Variants in FBXL7 observed in about 807,000 individuals in gnomAD.
The protein encoded by FBXL7 is F-box/LRR-repeat protein 7.
A neutral mutation model predicts 38.3 loss-of-function variants in FBXL7; 12 were observed. The ratio of observed to expected loss-of-function variants is 0.31; its 90% confidence interval spans 0.20 to 0.51. FBXL7 has a LOEUF of 0.51. Among genes scored for constraint, FBXL7 ranks in the 20% least tolerant of loss-of-function variants. The pLI, the probability that FBXL7 is intolerant of heterozygous loss-of-function variation, is 0.98. For missense variants in FBXL7, 567 were observed against 676.4 expected, an observed-to-expected ratio of 0.84 and a Z score of 1.79; for synonymous variants, 297 against 300.9, an observed-to-expected ratio of 0.99 and a Z score of 0.13.
chr5:15,749,295 G>A (rs1021658776), intron 2 of FBXL7, among the ~76,000 whole-genome samples: 3 of 148,596 alleles, frequency 2.0e-5, no homozygotes, highest in Admixed American at 1.3e-4. Flanking sequence ...CAACTTGTGA[G>A]TTACACTTAG....
intron 2 of FBXL7, among the ~76,000 whole-genome samples, chr5:15,828,468 G>T (rs1738372360): frequency 6.6e-6 from 1 of 152,196 alleles, no homozygotes; most frequent in South Asian, 2.1e-4. Flanking sequence ...ATGAATGAAT[G>T]AACCCTAGTT....
At chr5:15,667,340 G>A (rs1742314953) in intron 2 of FBXL7, among the ~76,000 whole-genome samples, 1 of 152,184 alleles carries the variant, frequency 6.6e-6, no homozygotes, top group South Asian at 2.1e-4. Flanking sequence ...GCAGACAGTA[G>A]CAGGAAAGAA....
At chr5:15,660,069 T>C (rs756776221) in intron 2 of FBXL7, among the ~76,000 whole-genome samples, 4 of 152,226 alleles carry the variant, frequency 2.6e-5, no homozygotes, top group Admixed American at 6.5e-5. Context: ...TGGAGAGGTC[T>C]GCTTATTCAC....
chr5:15,733,150 G>A (rs185762500), intron 2 of FBXL7, among the ~76,000 whole-genome samples: 108 of 152,112 alleles, frequency 7.1e-4, no homozygotes, highest in African/African-American at 2.5e-3. Context: ...CTGAAGTGCA[G>A]TGGCGCTATC....
intron 1 of FBXL7, among the ~76,000 whole-genome samples, chr5:15,591,606 T>C (rs893620607): frequency 1.3e-5 from 2 of 152,148 alleles, no homozygotes; most frequent in Non-Finnish European, 2.9e-5. Flanking sequence ...TCCATTTTTC[T>C]CCCACAATTG....
intron 2 of FBXL7, among the ~76,000 whole-genome samples, chr5:15,706,456 A>G (rs1215054582): frequency 6.6e-6 from 1 of 152,210 alleles, no homozygotes; most frequent in African/African-American, 2.4e-5. Context: ...TGAGCCAATT[A>G]AACCTCTTTT....
At chr5:15,645,713 T>C (rs762479407) in intron 2 of FBXL7, among the ~76,000 whole-genome samples, 1 of 152,248 alleles carries the variant, frequency 6.6e-6, no homozygotes, top group Non-Finnish European at 1.5e-5. Flanking sequence ...AGCTATTTCA[T>C]GATTTCTCAG....
Position 15,500,669 on chromosome 5 carries a change from G to A in FBXL7, c.-8G>A. On this transcript the variant is annotated 5_prime_UTR_variant, in exon 1 of 4. Coordinates refer to ENST00000504595, the MANE Select transcript of FBXL7 (RefSeq NM_012304.5). ...GTCCCGGGAGACGGCGGGCATGACG[G>A]CTACAGGATGGGCGCGAACAATGGC... The A allele has an allele frequency of 1.2e-6, 2 of 1,613,080 alleles. No homozygotes were observed. Among genetic ancestry groups the A allele is most frequent in the Non-Finnish European group, 1.7e-6 (2 of 1,179,366 alleles).
chr5:15,520,921 C>G (rs909479029), intron 1 of FBXL7, among the ~76,000 whole-genome samples: 1 of 152,206 alleles, frequency 6.6e-6, no homozygotes, highest in African/African-American at 2.4e-5. Context: ...TAAAGCAGGA[C>G]AGACATCTGT....
chr5:15,648,545 C>A (rs1163384871), intron 2 of FBXL7, among the ~76,000 whole-genome samples: 2 of 152,196 alleles, frequency 1.3e-5, no homozygotes, highest in African/African-American at 2.4e-5. Context: ...TGAACTAAAG[C>A]CCAGTTGAAC....
chr5:15,923,837 A>G (rs1191989092), intron 2 of FBXL7, among the ~76,000 whole-genome samples: 1 of 151,932 alleles, frequency 6.6e-6, no homozygotes, highest in East Asian at 1.9e-4. Flanking sequence ...TTAGAAATCC[A>G]CTTCACCCTC....
At chr5:15,889,883 G>A (rs1740829018) in intron 2 of FBXL7, among the ~76,000 whole-genome samples, 1 of 152,066 alleles carries the variant, frequency 6.6e-6, no homozygotes, top group Non-Finnish European at 1.5e-5. Context: ...ACACTTGTAA[G>A]ATACAAACAA....
intron 2 of FBXL7, among the ~76,000 whole-genome samples, chr5:15,822,731 T>TG (rs1438885540): frequency 2.0e-5 from 3 of 151,786 alleles, no homozygotes; most frequent in South Asian, 2.1e-4. Flanking sequence ...TCACTGTAGA[T>TG]GTGCGTTAGC....
chr5:15,783,459 T>G (rs1039390862), intron 2 of FBXL7, among the ~76,000 whole-genome samples: 2 of 152,152 alleles, frequency 1.3e-5, no homozygotes, highest in Non-Finnish European at 2.9e-5. Context: ...ATGATCATTG[T>G]AAGCCACCCA....
At chr5:15,812,348 G>A (rs1213096834) in intron 2 of FBXL7, among the ~76,000 whole-genome samples, 3 of 152,068 alleles carry the variant, frequency 2.0e-5, no homozygotes, top group African/African-American at 4.8e-5. Context: ...GGAAATGGGG[G>A]ACAAGTGGGA....
At chr5:15,814,606 T>C (rs1483030719) in intron 2 of FBXL7, among the ~76,000 whole-genome samples, 1 of 151,992 alleles carries the variant, frequency 6.6e-6, no homozygotes, top group African/African-American at 2.4e-5. Flanking sequence ...TTTTATGACA[T>C]GGAAATAAAA....
At chr5:15,800,265 A>T (rs1737527414) in intron 2 of FBXL7, among the ~76,000 whole-genome samples, 1 of 152,130 alleles carries the variant, frequency 6.6e-6, no homozygotes, top group Non-Finnish European at 1.5e-5. Context: ...CCTCATCTCA[A>T]TAGGCTTCAC....
chr5:15,839,644 TTTTA>T (rs1181258184), intron 2 of FBXL7, among the ~76,000 whole-genome samples: 2 of 152,226 alleles, frequency 1.3e-5, no homozygotes, highest in Admixed American at 6.5e-5. Flanking sequence ...ATTTGTTCTC[TTTTA>T]TTTATTTACT....
At chr5:15,694,741 C>T (rs1743281164) in intron 2 of FBXL7, among the ~76,000 whole-genome samples, 1 of 152,004 alleles carries the variant, frequency 6.6e-6, no homozygotes. Context: ...TCAGCTAAGC[C>T]TGGAATATAC....
Sources: gnomAD v4.1 joint callset for allele counts (sites outside exome capture counted in the v4.1 genomes callset) on GRCh38, gnomAD v4.1.1 for gene constraint, MANE v1.5 for transcripts, NCBI Gene and HGNC (gene_info 2026-07-23, HGNC 2026-07-21) for gene names.